The following FRMD4A variants were observed in gnomAD, a reference collection of about 807,000 sequenced individuals.
The protein encoded by FRMD4A is FERM domain containing 4A.
Under a neutral mutation model 129.1 loss-of-function variants are expected in FRMD4A, and 29 were observed. That is an observed-to-expected ratio of 0.22 (90% CI 0.17 to 0.31). The LOEUF (loss-of-function observed/expected upper bound fraction) is 0.31, where lower values mean the gene tolerates loss of function less well. Among genes scored for constraint, FRMD4A ranks in the 10% least tolerant of loss-of-function variants. The pLI, the probability that FRMD4A is intolerant of heterozygous loss-of-function variation, is 1.00. For missense variants in FRMD4A, 1,272 were observed against 1,375.8 expected, an observed-to-expected ratio of 0.92 and a Z score of 1.19; for synonymous variants, 634 against 571.6, an observed-to-expected ratio of 1.11 and a Z score of -1.56.
At chr10:13,893,290 T>C (rs1410875653) in intron 2 of FRMD4A, among the ~76,000 whole-genome samples, 1 of 152,114 alleles carries the variant, frequency 6.6e-6, no homozygotes, top group Non-Finnish European at 1.5e-5. Flanking sequence ...GACTGGAGAC[T>C]TGATGATCTG....
chr10:13,660,423 G>GTGA lies in FRMD4A; in HGVS notation c.1788_1790dup (p.His597dup), dbSNP rs748569770. 13 of 1,613,974 alleles carry GTGA rather than the reference G, an allele frequency of 8.1e-6. No individual in the cohort carries two copies. The highest frequency in any genetic ancestry group is 1.1e-5 in the Non-Finnish European group (13 of 1,179,910). On this transcript the variant is annotated inframe_insertion, in exon 20 of 25. Coordinates refer to ENST00000357447, the MANE Select transcript of FRMD4A (RefSeq NM_018027.5). ...TGGGTGACTTGTCATAGTCGTTGCG[G>GTGA]TGATAGTGCATCTGTCGGAGTCCCT... is the stretch of plus-strand genomic sequence containing the variant.
At position 14,089,275 on chromosome 10, in the gene FRMD4A, G is replaced by T. The variant is rs561722415; in HGVS notation, c.46-230363C>A. ...TGAGTTTCCGTGGGGAGAGAAGAGT[G>T]CCCAGCGTGACCACCGTTGGCTGAC... On this transcript the variant is annotated intron_variant, in intron 2 of 24. Transcript: ENST00000357447. Among the ~76,000 whole-genome samples, 12 of 152,200 alleles carry T rather than the reference G, an allele frequency of 7.9e-5. No homozygotes were observed. The East Asian group carries it at 1.9e-3, about 25-fold the overall frequency.
chr10:14,214,882 T>C (rs547154878), intron 2 of FRMD4A, among the ~76,000 whole-genome samples: 2 of 152,208 alleles, frequency 1.3e-5, no homozygotes, highest in Non-Finnish European at 2.9e-5. Context: ...ATAGCCTCCA[T>C]ACTAACGTAC....
chr10:14,316,669 C>T (rs1846753983), intron 2 of FRMD4A, among the ~76,000 whole-genome samples: 1 of 152,110 alleles, frequency 6.6e-6, no homozygotes, highest in South Asian at 2.1e-4. Flanking sequence ...TTTCTTCTTT[C>T]CCCCAAGCTT....
intron 2 of FRMD4A, among the ~76,000 whole-genome samples, chr10:14,143,921 T>C (rs967461504): frequency 1.3e-5 from 2 of 152,204 alleles, no homozygotes; most frequent in South Asian, 2.1e-4. Context: ...TGGTAAATTT[T>C]ATGTTAAATA....
intron 12 of FRMD4A, among the ~76,000 whole-genome samples, chr10:13,729,110 C>G (rs547514413): frequency 3.0e-5 from 1 of 33,530 alleles, no homozygotes; most frequent in Non-Finnish European, 8.5e-5. Flanking sequence ...GCCCCCGCGG[C>G]CAAGTAGGCC....
intron 2 of FRMD4A, among the ~76,000 whole-genome samples, chr10:13,928,152 T>G (rs2095154989): frequency 6.6e-6 from 1 of 151,704 alleles, no homozygotes. Flanking sequence ...TCCCAAGTAG[T>G]TGGGACTATA....
intron 2 of FRMD4A, among the ~76,000 whole-genome samples, chr10:14,000,963 G>T (rs1383192152): frequency 6.6e-6 from 1 of 152,064 alleles, no homozygotes; most frequent in Admixed American, 6.5e-5. Flanking sequence ...AACTTTCAAG[G>T]AGCCTAAATA....
At chr10:14,174,975 T>A (rs1841664109) in intron 2 of FRMD4A, among the ~76,000 whole-genome samples, 1 of 151,572 alleles carries the variant, frequency 6.6e-6, no homozygotes, top group Non-Finnish European at 1.5e-5. Flanking sequence ...GATTGACTGT[T>A]TCATTCAGCA....
chr10:13,993,385 A>T (rs755770387), intron 2 of FRMD4A, among the ~76,000 whole-genome samples: 12 of 152,234 alleles, frequency 7.9e-5, no homozygotes, highest in Non-Finnish European at 1.5e-4. Context: ...ATCTAGCATG[A>T]AAGAGATGAT....
At chr10:13,990,049 T>A (rs922596362) in intron 2 of FRMD4A, among the ~76,000 whole-genome samples, 1 of 152,208 alleles carries the variant, frequency 6.6e-6, no homozygotes, top group South Asian at 2.1e-4. Flanking sequence ...TCAGACTACC[T>A]GGGTTCAAAC....
At chr10:13,720,827 G>A (rs2089345034) in intron 12 of FRMD4A, among the ~76,000 whole-genome samples, 1 of 152,176 alleles carries the variant, frequency 6.6e-6, no homozygotes, top group African/African-American at 2.4e-5. Context: ...GTGTGTTTGT[G>A]TTTGCTGTAC....
chr10:13,805,851 G>T (rs2093349282), intron 4 of FRMD4A, among the ~76,000 whole-genome samples: 1 of 122,884 alleles, frequency 8.1e-6, no homozygotes, highest in Non-Finnish European at 1.7e-5. Context: ...ACCATGCCTG[G>T]CTAATTTTTA....
rs2081692456 is a variant in FRMD4A, at chr10:13,652,281, C to G, written c.3051-307G>C. The stretch of plus-strand genomic sequence containing the variant: ...TTTTCAAATTTGGCTTGAGTCCTCA[C>G]TAGTTGTAGGTGGTGAAATAGGCAG... On this transcript the variant is annotated intron_variant, in intron 23 of 24. Transcript: ENST00000357447. 7.1e-6 allele frequency: 3 copies of G among 424,676 alleles called. No homozygotes were observed. The East Asian group carries it at 1.4e-4, about 20-fold the overall frequency. 26.3% of individuals were successfully genotyped at this position (424,676 alleles called of 1,614,324 possible).
chr10:13,810,040 T>C (rs1480596998), intron 4 of FRMD4A, among the ~76,000 whole-genome samples: 1 of 152,132 alleles, frequency 6.6e-6, no homozygotes, highest in Non-Finnish European at 1.5e-5. Flanking sequence ...ATTAGTAGTT[T>C]AGGAAATCAT....
At chr10:14,018,291 C>CAA (rs556449482) in intron 2 of FRMD4A, among the ~76,000 whole-genome samples, 84 of 121,976 alleles carry the variant, frequency 6.9e-4, no homozygotes, top group African/African-American at 2.2e-3. Flanking sequence ...ACTAAAAATA[C>CAA]AAAAAAAAAA....
chr10:14,296,684 A>G (rs963887967), intron 2 of FRMD4A, among the ~76,000 whole-genome samples: 5 of 152,206 alleles, frequency 3.3e-5, no homozygotes, highest in Admixed American at 2.6e-4. Context: ...CTATTTTCTC[A>G]TTTATATTCT....
chr10:13,905,643 A>G (rs1232853070), intron 2 of FRMD4A, among the ~76,000 whole-genome samples: 1 of 152,202 alleles, frequency 6.6e-6, no homozygotes, highest in Non-Finnish European at 1.5e-5. Flanking sequence ...CATTATCTAT[A>G]ATTTCTGTGG....
chr10:13,827,345 G>C (rs151247497), intron 3 of FRMD4A, among the ~76,000 whole-genome samples: 2 of 152,268 alleles, frequency 1.3e-5, no homozygotes, highest in South Asian at 2.1e-4. Flanking sequence ...ACACAAGCAC[G>C]ATCTGCGCCG....
Sources: allele counts gnomAD v4.1 joint callset (sites outside exome capture counted in the v4.1 genomes callset), GRCh38; gene constraint gnomAD v4.1.1; transcripts MANE v1.5; gene names NCBI Gene and HGNC (gene_info 2026-07-23, HGNC 2026-07-21).